Variants in IL4R observed in about 807,000 individuals in gnomAD.
IL4R encodes interleukin 4 receptor.
IL4R carries 17 observed loss-of-function variants against 41.5 expected under a neutral mutation model. The observed-to-expected ratio is 0.41, with a 90% CI of 0.28 to 0.61. IL4R has a LOEUF of 0.61. Ranked by LOEUF, IL4R falls within the 20% of genes least tolerant of loss-of-function variation. The probability of loss-of-function intolerance (pLI) is 0.31; values close to 1 mark genes in which losing one functional copy is unlikely to be tolerated. For synonymous variants in IL4R, 402 were observed against 422.9 expected, an observed-to-expected ratio of 0.95 and a Z score of 0.61; for missense variants, 974 against 1,043.1, an observed-to-expected ratio of 0.93 and a Z score of 0.91.
chr16:27,360,739 C>G (rs1567335903), intron 9 of IL4R, 27 bp from the exon 10 acceptor site: 1 of 1,614,060 alleles, frequency 6.2e-7, no homozygotes, highest in Non-Finnish European at 8.5e-7. Flanking sequence ...CCACTCTGCT[C>G]TTTCATTGGC....
At chr16:27,334,295 C>G (rs1004859825) in intron 2 of IL4R, 5 of 152,146 alleles carry the variant, frequency 3.3e-5, no homozygotes, top group Non-Finnish European at 7.4e-5. Context: ...CATCTTTGTT[C>G]TTTTTGCCTC....
chr16:27,352,482 G>C (rs1247960704), intron 6 of IL4R, 58 bp from the exon 7 acceptor site: 1 of 1,478,950 alleles, frequency 6.8e-7, no homozygotes, highest in Non-Finnish European at 9.4e-7. Context: ...CAACCAGGGT[G>C]GGCACTGGTG....
chr16:27,358,410 G>C (rs867890845), intron 8 of IL4R, among the ~76,000 whole-genome samples: 1 of 152,218 alleles, frequency 6.6e-6, no homozygotes, highest in African/African-American at 2.4e-5. Context: ...TCCCAGTGAT[G>C]ATGCACCATG....
At chr16:27,348,951 A>G (rs1198009750) in intron 6 of IL4R, among the ~76,000 whole-genome samples, 6 of 152,170 alleles carry the variant, frequency 3.9e-5, no homozygotes, top group Non-Finnish European at 8.8e-5. Context: ...TGCCTGGGCT[A>G]TGGCTTAGGG....
intron 9 of IL4R, 116 bp from the exon 10 acceptor site, chr16:27,360,650 T>C (rs2086250136): frequency 4.1e-6 from 5 of 1,207,118 alleles, no homozygotes; most frequent in East Asian, 2.3e-5. Flanking sequence ...GTAAGTGACC[T>C]GTTGGACTTC....
chr16:27,352,761 C>T, intron 7 of IL4R, 65 bp downstream of exon 7: 1 of 1,508,706 alleles, frequency 6.6e-7, no homozygotes, highest in Middle Eastern at 1.7e-4. Flanking sequence ...TGGCCAGACA[C>T]TTCCCCTGGC....
At position 27,361,019 on chromosome 16, in the gene IL4R, A is replaced by G. The variant is rs766790777; in HGVS notation, c.899+204A>G. On this transcript the variant is annotated intron_variant, in intron 10 of 10. Transcript: ENST00000395762. ...GCCCCCTGAGTTTCACTGGTGTGTCAGGTACATGGTGATACCCCTTGGGAG... is the reference window on the plus strand; with the variant it reads ...GCCCCCTGAGTTTCACTGGTGTGTCGGGTACATGGTGATACCCCTTGGGAG... The G allele has an allele frequency of 4.1e-6, 6 of 1,454,806 alleles. No individual in the cohort carries two copies. In the East Asian group the frequency reaches 1.5e-4, roughly 37 times the overall value. 90.1% of individuals were successfully genotyped at this position (1,454,806 alleles called of 1,614,324 possible). A position where few individuals can be genotyped will look rare whatever the true frequency, so the allele number is the denominator to read the frequency against.
chr16:27,332,000 C>G (rs1252316970), intron 2 of IL4R, among the ~76,000 whole-genome samples: 1 of 151,802 alleles, frequency 6.6e-6, no homozygotes, highest in Non-Finnish European at 1.5e-5. Context: ...TTTTTTGAGA[C>G]AGGATCTTTC....
At chr16:27,358,757 T>C (rs1319897394) in intron 8 of IL4R, among the ~76,000 whole-genome samples, 159 bp from the exon 9 acceptor site, 1 of 152,192 alleles carries the variant, frequency 6.6e-6, no homozygotes, top group Non-Finnish European at 1.5e-5. Flanking sequence ...AGAATCCATG[T>C]CACCAGGTTA....
chr16:27,333,587 T>C (rs2085171912), intron 2 of IL4R, among the ~76,000 whole-genome samples: 1 of 152,106 alleles, frequency 6.6e-6, no homozygotes, highest in East Asian at 1.9e-4. Flanking sequence ...AGGATTCTTG[T>C]GTGGATTCGG....
chr16:27,349,285 A>G (rs1366069143), intron 6 of IL4R, among the ~76,000 whole-genome samples: 1 of 152,158 alleles, frequency 6.6e-6, no homozygotes, highest in Non-Finnish European at 1.5e-5. Flanking sequence ...GCGGGTGTCC[A>G]CCTGCATCTG....
chr16:27,350,770 A>G (rs1596521820), intron 6 of IL4R, among the ~76,000 whole-genome samples: 1 of 152,206 alleles, frequency 6.6e-6, no homozygotes, highest in Non-Finnish European at 1.5e-5. Flanking sequence ...GAATGGAAAC[A>G]TGTTTCTCTC....
chr16:27,337,644 A>G (rs1473705920), intron 2 of IL4R, among the ~76,000 whole-genome samples: 1 of 146,512 alleles, frequency 6.8e-6, no homozygotes, highest in Non-Finnish European at 1.5e-5. Context: ...CAGTGGTGCC[A>G]TCTCGGCTCA....
rs1278519033 is a variant in IL4R, at chr16:27,313,997, G to A, written c.-175G>A. 2.0e-6 allele frequency: 2 copies of A among 984,840 alleles called. No individual in the cohort carries two copies. Among genetic ancestry groups the A allele is most frequent in the Non-Finnish European group, 2.4e-6 (2 of 829,796 alleles). 61.0% of individuals were successfully genotyped at this position (984,840 alleles called of 1,614,324 possible). A position where few individuals can be genotyped will look rare whatever the true frequency, so the allele number is the denominator to read the frequency against. On this transcript the variant is annotated 5_prime_UTR_variant, in exon 1 of 11. Transcript: ENST00000395762. Reference sequence around the variant, plus strand: ...CCACTTCCCGCTTGGGCGCCCGGACGGCGAATGGAGCAGGGGCGCGCAGGT... The same window carrying A: ...CCACTTCCCGCTTGGGCGCCCGGACAGCGAATGGAGCAGGGGCGCGCAGGT...
At position 27,345,844 on chromosome 16, in the gene IL4R, C is replaced by T. The variant is rs1448918596; in HGVS notation, c.362-623C>T. Among the ~76,000 whole-genome samples, 3 of 151,998 alleles carry T rather than the reference C, an allele frequency of 2.0e-5. No homozygotes were observed. The highest frequency in any genetic ancestry group is 7.3e-5 in the African/African-American group (3 of 41,362). ...AAAATTAGTCTGGCATGGTGGCAGGCGCCTGTAATCCCAGCTACTTGGGAG... is the reference window on the plus strand; with the variant it reads ...AAAATTAGTCTGGCATGGTGGCAGGTGCCTGTAATCCCAGCTACTTGGGAG... On this transcript the variant is annotated intron_variant, in intron 5 of 10. Coordinates refer to ENST00000395762, the MANE Select transcript of IL4R (RefSeq NM_000418.4). This position sits in a 1 kb window ranked among gnomAD's most constrained non-coding sequence, Gnocchi z 4.5.
rs151179009 is a variant in IL4R, at chr16:27,340,220, C to G, written c.17C>G (p.Ser6Cys). The G allele has an allele frequency of 1.3e-4, 205 of 1,613,744 alleles. No homozygotes were observed. Among genetic ancestry groups the G allele is most frequent in the Admixed American group, 2.3e-4 (14 of 59,994 alleles). MGWLC[S>C]GLLFPVSCLV... Reference sequence around the variant, plus strand: ...CATCTCCCAATGGGGTGGCTTTGCTCTGGGCTCCTGTTCCCTGTGAGCTGC... The same window carrying G: ...CATCTCCCAATGGGGTGGCTTTGCTGTGGGCTCCTGTTCCCTGTGAGCTGC... The change falls in exon 3 of 11, where the codon TCT becomes TGT. Residue 6 changes from serine (S) to cysteine (C), a missense_variant. Around this residue, in one of 3 missense-constraint regions of IL4R, gnomAD observed 284 missense variants for 313.4 expected, o/e 0.91. Coordinates refer to ENST00000395762, the MANE Select transcript of IL4R (RefSeq NM_000418.4).
At chr16:27,328,463 T>G (rs1053254159) in intron 1 of IL4R, among the ~76,000 whole-genome samples, 2 of 152,076 alleles carry the variant, frequency 1.3e-5, no homozygotes, top group African/African-American at 4.8e-5. Flanking sequence ...GTTGGTGAAC[T>G]CCTGACCTCA....
intron 2 of IL4R, among the ~76,000 whole-genome samples, chr16:27,330,885 C>T (rs755012261): frequency 1.3e-5 from 2 of 152,050 alleles, no homozygotes; most frequent in Non-Finnish European, 2.9e-5. Flanking sequence ...GAGCTGTGAA[C>T]CCCCTGGGGA....
chr16:27,332,245 CA>C (rs1350403227), intron 2 of IL4R, among the ~76,000 whole-genome samples: 3 of 152,084 alleles, frequency 2.0e-5, no homozygotes, highest in African/African-American at 7.2e-5. Flanking sequence ...CACAGTTCTG[CA>C]GGGCTGGGGA....
Sources: allele counts gnomAD v4.1 joint callset (sites outside exome capture counted in the v4.1 genomes callset), GRCh38; gene constraint gnomAD v4.1.1; regional missense constraint gnomAD v4.1.1; non-coding constraint Gnocchi (gnomAD v3.1); transcripts MANE v1.5; gene names NCBI Gene and HGNC (gene_info 2026-07-23, HGNC 2026-07-21).